Variants in TBC1D1 observed in about 807,000 individuals in gnomAD.
TBC1D1 encodes the protein TBC1 (tre-2/USP6, BUB2, cdc16) domain family, member 1.
A neutral mutation model predicts 125.6 loss-of-function variants in TBC1D1; 89 were observed. That is an observed-to-expected ratio of 0.71 (90% CI 0.60 to 0.85). TBC1D1 has a LOEUF of 0.85. Among genes scored for constraint, TBC1D1 ranks in the 40% least tolerant of loss-of-function variants. TBC1D1 has a pLI of 0.00. For synonymous variants in TBC1D1, 565 were observed against 564.1 expected, an observed-to-expected ratio of 1.00 and a Z score of -0.02; for missense variants, 1,377 against 1,469.2, an observed-to-expected ratio of 0.94 and a Z score of 1.03.
chr4:37,992,531 A>G (rs1294969633), intron 2 of TBC1D1, among the ~76,000 whole-genome samples: 22 of 128,332 alleles, frequency 1.7e-4, no homozygotes, highest in East Asian at 6.7e-4. Flanking sequence ...GTCTCGCTCT[A>G]TCACCCAGGC....
chr4:38,033,315 A>G (rs1045106120), intron 7 of TBC1D1, among the ~76,000 whole-genome samples: 1 of 152,054 alleles, frequency 6.6e-6, no homozygotes, highest in African/African-American at 2.4e-5. Flanking sequence ...TGGGCCAACC[A>G]TCAGGCGCCT....
intron 2 of TBC1D1, among the ~76,000 whole-genome samples, chr4:38,013,739 T>G (rs1173408789): frequency 6.6e-6 from 1 of 152,160 alleles, no homozygotes; most frequent in African/African-American, 2.4e-5. Flanking sequence ...GCAGATGAGG[T>G]CTTTTATTAC....
intron 2 of TBC1D1, among the ~76,000 whole-genome samples, chr4:37,982,829 T>C (rs1734614869): frequency 6.6e-6 from 1 of 152,230 alleles, no homozygotes; most frequent in Non-Finnish European, 1.5e-5. Flanking sequence ...CTTCATTCCT[T>C]TCCTGAAGCA....
intron 2 of TBC1D1, chr4:37,952,128 C>A: frequency 1.4e-6 from 1 of 715,184 alleles, no homozygotes. Context: ...GCAAGGCCTG[C>A]AGTCATGATG....
chr4:38,040,904 G>A (rs141865345), intron 8 of TBC1D1, among the ~76,000 whole-genome samples: 106 of 152,284 alleles, frequency 7.0e-4, no homozygotes, highest in African/African-American at 1.9e-3. Context: ...TGTATTTCCC[G>A]TGGACCTGCC....
At chr4:38,109,078 T>G (rs16994230) in intron 15 of TBC1D1, among the ~76,000 whole-genome samples, 2 of 152,150 alleles carry the variant, frequency 1.3e-5, no homozygotes, top group African/African-American at 2.4e-5. Context: ...ATCTTTGAGT[T>G]GAAGTCCTGT....
chr4:38,098,037 C>G (rs954440792), intron 14 of TBC1D1, among the ~76,000 whole-genome samples: 1 of 152,238 alleles, frequency 6.6e-6, no homozygotes, highest in Non-Finnish European at 1.5e-5. Flanking sequence ...TCTCCAGGTG[C>G]TTATCTCAGA....
intron 15 of TBC1D1, among the ~76,000 whole-genome samples, chr4:38,106,168 G>A (rs1761265490): frequency 6.6e-6 from 1 of 152,198 alleles, no homozygotes; most frequent in Non-Finnish European, 1.5e-5. Flanking sequence ...GATGCTCAAA[G>A]AATATCTTTA....
intron 8 of TBC1D1, among the ~76,000 whole-genome samples, chr4:38,041,493 TA>T (rs1334468788): frequency 3.9e-5 from 6 of 152,122 alleles, no homozygotes; most frequent in African/African-American, 1.4e-4. Context: ...CATGAGTCTA[TA>T]AGGAGCTCTA....
chr4:38,014,707 A>T lies in TBC1D1; in HGVS notation c.616A>T (p.Ser206Cys), dbSNP rs202141166. The T allele has an allele frequency of 6.0e-5, 97 of 1,612,682 alleles. 1 individual carries two copies. In the East Asian group the frequency reaches 1.2e-3, roughly 20 times the overall value. ...CGAGAAGTTCAATCACGTCAGCGGC[A>T]GCCGGGGGTCCGAGAGCCCCCGCCC... Residue 206 changes from serine (S) to cysteine (C), a missense_variant, in exon 3 of 20, where the codon AGC becomes TGC. By Grantham distance (112) the Ser-to-Cys change is moderately radical. Coordinates refer to ENST00000261439, the MANE Select transcript of TBC1D1 (RefSeq NM_015173.4). This position sits in a 1 kb window ranked among gnomAD's most constrained non-coding sequence, Gnocchi z 5.1.
In TBC1D1 at chr4:38,014,619, C is replaced by T. The variant is rs1344614759; in HGVS notation, c.528C>T (p.Leu176=). The T allele has an allele frequency of 6.2e-7, 1 of 1,613,430 alleles. No individual in the cohort carries two copies. The highest frequency in any genetic ancestry group is 1.3e-5 in the African/African-American group (1 of 75,060). Residue 176 remains leucine, a synonymous_variant, in exon 3 of 20, where the codon CTC becomes CTT. Transcript: ENST00000261439. This position sits in a 1 kb window ranked among gnomAD's most constrained non-coding sequence, Gnocchi z 5.1. ...CGTTTTCCAAGAAGTTCGAGGTGCTCTTCTGCGGCCGCGTGACGGTGGCGC... is the reference window on the plus strand; with the variant it reads ...CGTTTTCCAAGAAGTTCGAGGTGCTTTTCTGCGGCCGCGTGACGGTGGCGC...
chr4:37,902,178 C>T lies in TBC1D1; in HGVS notation c.83C>T (p.Ser28Phe), dbSNP rs1182970964. 3.1e-6 allele frequency: 5 copies of T among 1,613,902 alleles called. No individual in the cohort carries two copies. The highest frequency in any genetic ancestry group is 4.2e-6 in the Non-Finnish European group (5 of 1,180,008). The change falls in exon 2 of 20, where the codon TCC (serine) becomes TTC (phenylalanine). Residue 28 changes from serine to phenylalanine, a missense_variant. By Grantham distance (155) the Ser-to-Phe change is radical. This residue lies in a region of TBC1D1 where 822 missense variants were observed against 824.6 expected (regional missense o/e 1.00). Transcript: ENST00000261439. ...GATTTTGGCCTGCAGCTGGTGGGCT[C>T]CCTGCCTGTGCATTCCCTGACCACC... is the stretch of plus-strand genomic sequence containing the variant.
chr4:38,117,109 C>CT (rs140306619), intron 16 of TBC1D1, among the ~76,000 whole-genome samples: 2,434 of 152,290 alleles, frequency 0.016, 68 homozygotes, highest in African/African-American at 0.056. Flanking sequence ...ACACACAACT[C>CT]TTTTGGGGTG....
chr4:38,112,978 G>A (rs1054865620), intron 15 of TBC1D1, among the ~76,000 whole-genome samples: 2 of 152,172 alleles, frequency 1.3e-5, no homozygotes, highest in Admixed American at 1.3e-4. Flanking sequence ...CTGTCAGCTT[G>A]CTGATAAAGG....
chr4:38,083,931 T>C (rs1757017448), intron 12 of TBC1D1, among the ~76,000 whole-genome samples: 1 of 146,988 alleles, frequency 6.8e-6, no homozygotes, highest in Admixed American at 6.8e-5. Flanking sequence ...AAATGAATGT[T>C]GTCTTTTTTT....
At chr4:38,097,952 A>G (rs1759655727) in intron 14 of TBC1D1, among the ~76,000 whole-genome samples, 2 of 152,322 alleles carry the variant, frequency 1.3e-5, no homozygotes, top group Middle Eastern at 3.4e-3. Context: ...TTGGGCTTAG[A>G]GCAGTTGAAT....
intron 2 of TBC1D1, among the ~76,000 whole-genome samples, chr4:37,944,502 C>T (rs1024556892): frequency 6.6e-5 from 10 of 152,198 alleles, no homozygotes; most frequent in Middle Eastern, 3.2e-3. Flanking sequence ...GCTTCCCGGC[C>T]GCTTTGTTTA....
chr4:38,132,894 T>G lies in TBC1D1; in HGVS notation c.3133-190T>G, dbSNP rs902176970. The G allele has an allele frequency of 1.3e-5, 5 of 387,606 alleles. No individual in the cohort carries two copies. The Admixed American group carries it at 1.4e-4, about 11-fold the overall frequency. 24.0% of individuals were successfully genotyped at this position (387,606 alleles called of 1,614,324 possible). On this transcript the variant is annotated intron_variant, in intron 18 of 19. Transcript: ENST00000261439. ...TTATTTCTAGATGTTTCTTATATCC[T>G]TTTGTCCCAAGTAAAATTATTACCT...
At chr4:38,082,176 G>A (rs1465434592) in intron 12 of TBC1D1, among the ~76,000 whole-genome samples, 1 of 152,146 alleles carries the variant, frequency 6.6e-6, no homozygotes, top group Non-Finnish European at 1.5e-5. Flanking sequence ...TGTGAGCACT[G>A]ACAGTTTCCC....
Sources: allele counts gnomAD v4.1 joint callset (sites outside exome capture counted in the v4.1 genomes callset), GRCh38; gene constraint gnomAD v4.1.1; regional missense constraint gnomAD v4.1.1; non-coding constraint Gnocchi (gnomAD v3.1); transcripts MANE v1.5; gene names NCBI Gene and HGNC (gene_info 2026-07-23, HGNC 2026-07-21).